Variants in TMEM204 observed in about 807,000 individuals in gnomAD.
TMEM204 encodes the protein transmembrane protein 204, also known as claudin-like protein 24.
In TMEM204, 15 loss-of-function variants were observed where a neutral mutation model predicts 19.4. That is an observed-to-expected ratio of 0.77 (90% confidence interval 0.52 to 1.19). The LOEUF (loss-of-function observed/expected upper bound fraction) is 1.19, where lower values mean the gene tolerates loss of function less well. Ranked by LOEUF, TMEM204 falls within the 50% of genes most tolerant of loss-of-function variation. The pLI is 0.00. For synonymous variants in TMEM204, 161 were observed against 146.0 expected, an observed-to-expected ratio of 1.10 and a Z score of -0.74; for missense variants, 287 against 321.2, an observed-to-expected ratio of 0.89 and a Z score of 0.81.
rs571325007 is a variant in TMEM204 at position 1,538,751 on chromosome 16, C to T, written c.281-3170C>T. On this transcript the variant is annotated intron_variant, in intron 1 of 2. Transcript: ENST00000566264. ...GGAAGGGGCCTCCAGAGCTCACACA[C>T]GTCCCTAATGTGTGGACAGGACGCC... Among the ~76,000 whole-genome samples the T allele has an allele frequency of 2.5e-4, 38 of 152,332 alleles. 1 individual carries two copies. Among genetic ancestry groups the T allele is most frequent in the Admixed American group, 1.2e-3 (18 of 15,308 alleles).
At chr16:1,535,335 A>G (rs2030956279) in intron 1 of TMEM204, among the ~76,000 whole-genome samples, 1 of 152,156 alleles carries the variant, frequency 6.6e-6, no homozygotes, top group Non-Finnish European at 1.5e-5. Flanking sequence ...GAGGCTGCAT[A>G]AATAGGAAGG....
intron 2 of TMEM204, among the ~76,000 whole-genome samples, chr16:1,547,878 C>T (rs564583789): frequency 6.6e-6 from 1 of 152,078 alleles, no homozygotes; most frequent in Non-Finnish European, 1.5e-5. Context: ...GGTCTTGCCA[C>T]GTTGCCCAGG....
At position 1,553,837 on chromosome 16, in the gene TMEM204, C is replaced by A; in HGVS notation, c.437-945C>A. 8.2e-7 allele frequency: 1 copy of A among 1,212,228 alleles called. No individual in the cohort carries two copies. Among genetic ancestry groups the A allele is most frequent in the Non-Finnish European group, 1.1e-6 (1 of 951,938 alleles). The allele number at this position is 1,212,228 out of a possible 1,614,324, so 75.1% of individuals were successfully genotyped here. Reference sequence around the variant, plus strand: ...ATTAGGACGCCCGGCTCCATCGCTGCGGCCACAGTGTCCTGTTATCCTAGT... The same window carrying A: ...ATTAGGACGCCCGGCTCCATCGCTGAGGCCACAGTGTCCTGTTATCCTAGT... On this transcript the variant is annotated intron_variant, in intron 2 of 2. Coordinates refer to ENST00000566264, the MANE Select transcript of TMEM204 (RefSeq NM_024600.6). The surrounding 1 kb of genome is among the most constrained non-coding windows in gnomAD (Gnocchi z 4.4).
intron 2 of TMEM204, among the ~76,000 whole-genome samples, chr16:1,545,256 G>A (rs1418379301): frequency 6.6e-6 from 1 of 152,070 alleles, no homozygotes; most frequent in Non-Finnish European, 1.5e-5. Context: ...GGTTGGACCA[G>A]GCTCTGTTCA....
chr16:1,544,488 C>A (rs1345832481), intron 2 of TMEM204, among the ~76,000 whole-genome samples: 1 of 150,894 alleles, frequency 6.6e-6, no homozygotes, highest in Admixed American at 6.6e-5. Flanking sequence ...CCTGGCCACG[C>A]CCCACTAATT....
chr16:1,543,477 G>C (rs2031850749), intron 2 of TMEM204, among the ~76,000 whole-genome samples: 2 of 152,354 alleles, frequency 1.3e-5, no homozygotes, highest in South Asian at 4.1e-4. Context: ...GGGCGGGAAG[G>C]GAGGGGCCTC....
chr16:1,539,706 G>A (rs1351101003), intron 1 of TMEM204, among the ~76,000 whole-genome samples: 2 of 152,232 alleles, frequency 1.3e-5, no homozygotes, highest in Non-Finnish European at 2.9e-5. Context: ...GTTTTGCTGC[G>A]AGAAAAATGA....
Position 1,554,552 on chromosome 16 carries a change from A to G in TMEM204, c.437-230A>G, listed in dbSNP as rs571165854. 9.8e-5 allele frequency among the ~76,000 whole-genome samples: 15 copies of G among 152,336 alleles called. No homozygotes were observed. The South Asian group carries it at 2.7e-3, about 27-fold the overall frequency. On this transcript the variant is annotated intron_variant, in intron 2 of 2. Transcript: ENST00000566264. The stretch of plus-strand genomic sequence containing the variant: ...CAGAGCCTGAAGTCCTAAGAGCCAC[A>G]GAAGGGCTAATACAAGGTGGCTCAA...
chr16:1,550,680 C>T (rs538826977), intron 2 of TMEM204, among the ~76,000 whole-genome samples: 3 of 152,326 alleles, frequency 2.0e-5, no homozygotes, highest in African/African-American at 7.2e-5. Context: ...GTTTAGCCTT[C>T]CCACTTTTAA....
chr16:1,551,728 G>A lies in TMEM204; in HGVS notation c.437-3054G>A, dbSNP rs2032654192. On this transcript the variant is annotated intron_variant, in intron 2 of 2. Transcript: ENST00000566264. The surrounding 1 kb of genome is among the most constrained non-coding windows in gnomAD (Gnocchi z 4.0). ...GCACTTCAGTCTTCTACGGGGTTTT[G>A]TTGGGAGCTACCTATACAAAGGAGG... Among the ~76,000 whole-genome samples the A allele has an allele frequency of 1.3e-5, 2 of 152,182 alleles. No individual in the cohort carries two copies. The highest frequency in any genetic ancestry group is 1.3e-4 in the Admixed American group (2 of 15,276).
At chr16:1,549,017 C>T (rs1012382095) in intron 2 of TMEM204, among the ~76,000 whole-genome samples, 1 of 152,244 alleles carries the variant, frequency 6.6e-6, no homozygotes, top group Non-Finnish European at 1.5e-5. Context: ...CCACCTGGCG[C>T]TCTCCAGCAG....
At chr16:1,541,339 G>A in intron 1 of TMEM204, 1 of 985,398 alleles carries the variant, frequency 1.0e-6, no homozygotes, top group Middle Eastern at 5.2e-4. Context: ...TCAGCCCCTT[G>A]CTGGTTATGA....
In TMEM204 at chr16:1,551,813, C is replaced by T. The variant is rs937458283; in HGVS notation, c.437-2969C>T. The stretch of plus-strand genomic sequence containing the variant: ...AAGATCAACTCTGCGGGACCTCCCA[C>T]CCGGGCTGGTTGCCCTGTGTTGCCT... On this transcript the variant is annotated intron_variant, in intron 2 of 2. Transcript: ENST00000566264. This position sits in a 1 kb window ranked among gnomAD's most constrained non-coding sequence, Gnocchi z 4.0. 6.6e-6 allele frequency among the ~76,000 whole-genome samples: 1 copy of T among 152,212 alleles called. No homozygotes were observed. Among genetic ancestry groups the T allele is most frequent in the Non-Finnish European group, 1.5e-5 (1 of 68,026 alleles).
intron 2 of TMEM204, among the ~76,000 whole-genome samples, chr16:1,545,814 C>T (rs1387401503): frequency 1.6e-4 from 24 of 152,228 alleles, no homozygotes; most frequent in Admixed American, 1.5e-3. Flanking sequence ...TTTGCTCTCG[C>T]TCCATGAATG....
At chr16:1,547,774 G>A (rs1402725570) in intron 2 of TMEM204, among the ~76,000 whole-genome samples, 7 of 152,190 alleles carry the variant, frequency 4.6e-5, no homozygotes, top group Non-Finnish European at 8.8e-5. Flanking sequence ...GACCTCAGGT[G>A]ATCCACCCAC....
intron 2 of TMEM204, among the ~76,000 whole-genome samples, chr16:1,550,209 G>A (rs1204264323): frequency 6.6e-6 from 1 of 152,086 alleles, no homozygotes; most frequent in Non-Finnish European, 1.5e-5. Context: ...CAAAGTGCTG[G>A]GATTACAGGC....
chr16:1,546,441 C>G lies in TMEM204; in HGVS notation c.436+4365C>G, dbSNP rs368862537. Among the ~76,000 whole-genome samples, 19 of 152,320 alleles carry G rather than the reference C, an allele frequency of 1.2e-4. No individual in the cohort carries two copies. In the South Asian group the frequency reaches 3.5e-3, roughly 28 times the overall value. ...AGCTGTGAGTGCCTGGACGAGCCCC[C>G]CTTCCCCTGGTGTGATCTGTGCAGT... On this transcript the variant is annotated intron_variant, in intron 2 of 2. Transcript: ENST00000566264.
At chr16:1,536,750 C>T (rs1046842715) in intron 1 of TMEM204, among the ~76,000 whole-genome samples, 8 of 152,286 alleles carry the variant, frequency 5.3e-5, no homozygotes, top group East Asian at 3.9e-4. Context: ...CTGCCTCTCT[C>T]GCCTTCTCCT....
chr16:1,538,501 C>T (rs981409250), intron 1 of TMEM204, among the ~76,000 whole-genome samples: 1 of 152,192 alleles, frequency 6.6e-6, no homozygotes, highest in African/African-American at 2.4e-5. Context: ...GGCAGCTCTG[C>T]ATCCCTCCTC....
Sources: gnomAD v4.1 joint callset for allele counts (sites outside exome capture counted in the v4.1 genomes callset) on GRCh38, gnomAD v4.1.1 for gene constraint, Gnocchi (gnomAD v3.1) non-coding constraint, MANE v1.5 for transcripts, NCBI Gene and HGNC (gene_info 2026-07-23, HGNC 2026-07-21) for gene names.